The following KDM5D variants were observed in gnomAD, a reference collection of about 807,000 sequenced individuals.
KDM5D encodes the protein lysine demethylase 5D.
A neutral mutation model predicts 31.9 loss-of-function variants in KDM5D; 25 were observed. The ratio of observed to expected loss-of-function variants is 0.78; its 90% CI spans 0.57 to 1.09. The LOEUF is 1.09. Among genes scored for constraint, KDM5D ranks in the 50% least tolerant of loss-of-function variants. The pLI, the probability that KDM5D is intolerant of heterozygous loss-of-function variation, is 0.00. For synonymous variants in KDM5D, 146 were observed against 122.3 expected, an observed-to-expected ratio of 1.19 and a Z score of -1.28; for missense variants, 366 against 341.6, an observed-to-expected ratio of 1.07 and a Z score of -0.56.
intron 2 of KDM5D, among the ~76,000 whole-genome samples, chrY:19,744,005 C>A: frequency 2.9e-5 from 1 of 33,920 alleles, no homozygotes; most frequent in Non-Finnish European, 7.3e-5. Context: ...AAAGAAAACA[C>A]CAGTCCAAGT....
chrY:19,744,101 A>G (rs762077805), intron 2 of KDM5D, among the ~76,000 whole-genome samples: 1 of 33,871 alleles, frequency 3.0e-5, no homozygotes, highest in East Asian at 7.6e-4. Flanking sequence ...AAATGTAATA[A>G]AAGCTTGTGT....
intron 4 of KDM5D, 85 bp from the exon 5 acceptor site, chrY:19,741,573 G>A: frequency 4.1e-6 from 1 of 241,864 alleles, no homozygotes; most frequent in Non-Finnish European, 6.7e-6. Flanking sequence ...AATATGGGGG[G>A]CTGTGCCCTT....
Position 19,715,651 on chromosome Y carries a change from G to A in KDM5D, c.2302C>T (p.Arg768Ter). Residue 768 changes from arginine to a stop codon, truncating the protein, a stop_gained, in exon 17 of 27, where the codon CGA (arginine) becomes TGA (stop). Transcript: ENST00000317961. LOFTEE classifies it high-confidence loss of function. ...ESFDTWANKV[R>*]VALEVEDGRK... The stretch of plus-strand genomic sequence containing the variant: ...CCATCCTCCACCTCCAAGGCCACTC[G>A]CACTTTGTTGGCCCAGGTGTCAAAA... 2.5e-6 allele frequency: 1 copy of A among 396,515 alleles called. No homozygotes were observed. The highest frequency in any genetic ancestry group is 9.3e-5 in the East Asian group (1 of 10,754).
Position 19,720,747 on chromosome Y carries a change from T to A in KDM5D, c.1716+125A>T, listed in dbSNP as rs2045385418. 2.0e-5 allele frequency: 4 copies of A among 195,905 alleles called. No homozygotes were observed. In the African/African-American group the frequency reaches 3.3e-4, roughly 16 times the overall value. 48.9% of individuals were successfully genotyped at this position (195,905 alleles called of 400,897 possible). A position where few individuals can be genotyped will look rare whatever the true frequency, so the allele number is the denominator to read the frequency against. On this transcript the variant is annotated intron_variant, in intron 13 of 26. Coordinates refer to ENST00000317961, the MANE Select transcript of KDM5D (RefSeq NM_004653.5). The stretch of plus-strand genomic sequence containing the variant: ...GTCAGCAAGGGAAGGCAAAGAGGTG[T>A]GATGCTAAGCCTAATCTCCATAGCA...
At position 19,744,696 on chromosome Y, in the gene KDM5D, A is replaced by G; in HGVS notation, c.-45T>C. ...CAATCGTCAGGGATCCTAGTTTTAC[A>G]GCCACCATCTTGACCTCCGGGCCCT... On this transcript the variant is annotated 5_prime_UTR_variant, in exon 1 of 27. Transcript: ENST00000317961. 1 of 146,666 alleles carries G rather than the reference A, an allele frequency of 6.8e-6. No individual in the cohort carries two copies. Among genetic ancestry groups the G allele is most frequent in the East Asian group, 1.2e-4 (1 of 8,287 alleles). 36.6% of individuals were successfully genotyped at this position (146,666 alleles called of 400,897 possible). A position where few individuals can be genotyped will look rare whatever the true frequency, so the allele number is the denominator to read the frequency against.
At position 19,707,929 on chromosome Y, in the gene KDM5D, C is replaced by T; in HGVS notation, c.3399+5G>A. On this transcript the variant is annotated splice_donor_5th_base_variant and intron_variant, in intron 23 of 26. Coordinates refer to ENST00000317961, the MANE Select transcript of KDM5D (RefSeq NM_004653.5). The stretch of plus-strand genomic sequence containing the variant: ...TCTTTTCCCCATCTGGGCCATGCTC[C>T]TTACCACAGAGCCTGGGTCTCTGAG... 1 of 398,040 alleles carries T rather than the reference C, an allele frequency of 2.5e-6. No homozygotes were observed. Among genetic ancestry groups the T allele is most frequent in the East Asian group, 9.2e-5 (1 of 10,824 alleles).
Position 19,709,600 on chromosome Y carries a change from C to G in KDM5D, c.2793G>C (p.Arg931Ser). ...GCCCCTGCATGATGACCAGAGAGCC[C>G]CTGTGAGCAGAAGGGGCCAGGGCCT... is the stretch of plus-strand genomic sequence containing the variant. ...VKQALAPSAH[R>S]GSLVIMQGLL... The change falls in exon 20 of 27, where the codon AGG becomes AGC. Residue 931 changes from arginine (R) to serine (S), a missense_variant. Transcript: ENST00000317961. 2.5e-6 allele frequency: 1 copy of G among 396,223 alleles called. No homozygotes were observed. The highest frequency in any genetic ancestry group is 3.5e-6 in the Non-Finnish European group (1 of 282,882).
intron 13 of KDM5D, among the ~76,000 whole-genome samples, chrY:19,719,073 G>C (rs1603545828): frequency 3.3e-5 from 1 of 30,757 alleles, no homozygotes; most frequent in African/African-American, 1.3e-4. Context: ...GGGAGGCTGA[G>C]GCAGGAGAAT....
At chrY:19,730,839 G>C in intron 11 of KDM5D, among the ~76,000 whole-genome samples, 1 of 33,283 alleles carries the variant, frequency 3.0e-5, no homozygotes, top group Non-Finnish European at 7.5e-5. Context: ...AAGTATCTGT[G>C]CCTCTAAACA....
intron 8 of KDM5D, among the ~76,000 whole-genome samples, chrY:19,733,860 C>T: frequency 1.6e-4 from 5 of 31,992 alleles, no homozygotes; most frequent in East Asian, 1.6e-3. Flanking sequence ...TGGGCGAGAG[C>T]GAGATTCCAT....
chrY:19,708,474 C>T, intron 21 of KDM5D, 51 bp from the exon 22 acceptor site: 2 of 273,007 alleles, frequency 7.3e-6, no homozygotes, highest in Non-Finnish European at 1.1e-5. Context: ...AATATTGTGT[C>T]TAAATTTGTC....
intron 5 of KDM5D, among the ~76,000 whole-genome samples, chrY:19,740,744 G>A: frequency 9.2e-5 from 3 of 32,538 alleles, no homozygotes; most frequent in Admixed American, 5.7e-4. Flanking sequence ...AGCACTTTGG[G>A]AGGCCGAGGC....
Position 19,735,688 on chromosome Y carries a change from C to T in KDM5D, c.720G>A (p.Gly240=). 1 of 397,821 alleles carries T rather than the reference C, an allele frequency of 2.5e-6. No homozygotes were observed. Among genetic ancestry groups the T allele is most frequent in the Non-Finnish European group, 3.5e-6 (1 of 282,440 alleles). Residue 240 remains glycine, a synonymous_variant, in exon 7 of 27, where the codon GGG becomes GGA. Coordinates refer to ENST00000317961, the MANE Select transcript of KDM5D (RefSeq NM_004653.5). ...HPELKKLQIY[G]PGPKMMGLGL... is the part of the protein sequence containing the mutation. ...CCAAGCCCATCATTTTGGGACCTGG[C>T]CCATATATCTGTAACTTCTTTAGCT...
intron 18 of KDM5D, among the ~76,000 whole-genome samples, chrY:19,712,536 A>G: frequency 2.9e-5 from 1 of 34,459 alleles, no homozygotes; most frequent in Non-Finnish European, 7.3e-5. Context: ...ACATTTTTCT[A>G]AACTATTATT....
intron 5 of KDM5D, 143 bp from the exon 6 acceptor site, chrY:19,739,805 T>C: frequency 7.0e-6 from 1 of 143,318 alleles, no homozygotes; most frequent in Non-Finnish European, 1.3e-5. Flanking sequence ...ATAGAGCACA[T>C]ATCCTGACAA....
At position 19,705,970 on chromosome Y, in the gene KDM5D, C is replaced by A; in HGVS notation, c.*25G>T. The A allele has an allele frequency of 6.1e-6, 2 of 329,784 alleles. No homozygotes were observed. Among genetic ancestry groups the A allele is most frequent in the Non-Finnish European group, 9.0e-6 (2 of 222,936 alleles). 82.3% of individuals were successfully genotyped at this position (329,784 alleles called of 400,897 possible). A position where few individuals can be genotyped will look rare whatever the true frequency, so the allele number is the denominator to read the frequency against. ...TTAAGAAACAAACAAACAAAAACAA[C>A]CACAAATGACCTTTGGTGCCACTGT... On this transcript the variant is annotated 3_prime_UTR_variant, in exon 27 of 27. Coordinates refer to ENST00000317961, the MANE Select transcript of KDM5D (RefSeq NM_004653.5).
intron 5 of KDM5D, among the ~76,000 whole-genome samples, chrY:19,740,888 G>C: frequency 3.0e-5 from 1 of 33,308 alleles, no homozygotes; most frequent in Admixed American, 2.7e-4. Flanking sequence ...GGAGGCTGAA[G>C]CAGAAGAATG....
chrY:19,716,327 G>T lies in KDM5D; in HGVS notation c.1983C>A (p.Phe661Leu), dbSNP rs781158387. The change falls in exon 15 of 27, where the codon TTC becomes TTA. Residue 661 changes from phenylalanine to leucine, a missense_variant. By Grantham distance (22) the Phe-to-Leu change is conservative. Coordinates refer to ENST00000317961, the MANE Select transcript of KDM5D (RefSeq NM_004653.5). The part of the protein sequence containing the change: ...NLAVAVHKEM[F>L]IMVQEERRLR... Reference sequence around the variant, plus strand: ...GACGTCGCTCCTCCTGAACCATAATGAACATCTCCTTGTGCACAGCTACTG... The same window carrying T: ...GACGTCGCTCCTCCTGAACCATAATTAACATCTCCTTGTGCACAGCTACTG... 2.5e-6 allele frequency: 1 copy of T among 398,772 alleles called. No homozygotes were observed. The highest frequency in any genetic ancestry group is 3.5e-6 in the Non-Finnish European group (1 of 283,416).
At chrY:19,712,006 CTA>C (rs2045301559) in intron 18 of KDM5D, among the ~76,000 whole-genome samples, 1 of 33,685 alleles carries the variant, frequency 3.0e-5, no homozygotes, top group Non-Finnish European at 7.4e-5. Flanking sequence ...CAAAATCTTT[CTA>C]TGTTTTCTTA....
Sources: gnomAD v4.1 joint callset for allele counts (sites outside exome capture counted in the v4.1 genomes callset) on GRCh38, gnomAD v4.1.1 for gene constraint, MANE v1.5 for transcripts, NCBI Gene and HGNC (gene_info 2026-07-23, HGNC 2026-07-21) for gene names.